The following APBA2 variants were observed in gnomAD, a reference collection of about 807,000 sequenced individuals.
APBA2 encodes the protein amyloid beta precursor protein binding family A member 2.
Under a neutral mutation model 75.0 loss-of-function variants are expected in APBA2, and 30 were observed. The ratio of observed to expected loss-of-function variants is 0.40; its 90% confidence interval spans 0.30 to 0.54. APBA2 has a LOEUF of 0.54. APBA2 is among the 20% of genes least tolerant of loss of function. The probability of loss-of-function intolerance (pLI) is 0.49; values close to 1 mark genes in which losing one functional copy is unlikely to be tolerated. For missense variants in APBA2, 801 were observed against 1,016.1 expected, an observed-to-expected ratio of 0.79 and a Z score of 2.88; for synonymous variants, 444 against 409.6, an observed-to-expected ratio of 1.08 and a Z score of -1.01.
At chr15:28,926,494 T>C (rs1472009864) in intron 2 of APBA2, among the ~76,000 whole-genome samples, 1 of 152,174 alleles carries the variant, frequency 6.6e-6, no homozygotes, top group Non-Finnish European at 1.5e-5. Flanking sequence ...ATTTCAATTA[T>C]CCATATGTCA....
At chr15:28,984,028 G>A (rs759634653) in intron 2 of APBA2, among the ~76,000 whole-genome samples, 6 of 152,146 alleles carry the variant, frequency 3.9e-5, no homozygotes, top group Non-Finnish European at 8.8e-5. Context: ...TCCAGAGGCC[G>A]TGCAGACACT....
intron 2 of APBA2, among the ~76,000 whole-genome samples, chr15:28,951,089 C>T (rs1388446326): frequency 6.6e-6 from 1 of 152,168 alleles, no homozygotes; most frequent in Non-Finnish European, 1.5e-5. Flanking sequence ...TAGATGGTTG[C>T]ATCTCTACTG....
intron 1 of APBA2, among the ~76,000 whole-genome samples, chr15:28,916,253 C>T (rs1158089114): frequency 1.3e-5 from 2 of 152,110 alleles, no homozygotes; most frequent in Middle Eastern, 3.2e-3. Flanking sequence ...CCAGCCTGTT[C>T]GCCACCTCTC....
chr15:29,114,060 G>A lies in APBA2; in HGVS notation c.2178+44G>A, dbSNP rs777810616. The A allele has an allele frequency of 2.9e-5, 47 of 1,613,036 alleles. No individual in the cohort carries two copies. In the South Asian group the frequency reaches 3.3e-4, roughly 11 times the overall value. ...TGTGCCTCTGCATGCCGGTTCCCAC[G>A]TGCTCCCGCCTGCCCTCCATGAGCC... is the stretch of plus-strand genomic sequence containing the variant. On this transcript the variant is annotated intron_variant, in intron 14 of 14. Coordinates refer to ENST00000683413, the MANE Select transcript of APBA2 (RefSeq NM_001353788.2).
intron 3 of APBA2, among the ~76,000 whole-genome samples, chr15:29,025,571 C>T (rs1048746782): frequency 6.6e-6 from 1 of 152,028 alleles, no homozygotes; most frequent in Non-Finnish European, 1.5e-5. Flanking sequence ...TGCGCCTGGC[C>T]AAGACTTGGG....
intron 4 of APBA2, among the ~76,000 whole-genome samples, chr15:29,055,164 A>G (rs1227840961): frequency 6.6e-6 from 1 of 152,146 alleles, no homozygotes; most frequent in Non-Finnish European, 1.5e-5. Context: ...GTGGGGCAGT[A>G]TGTGTGGGAG....
chr15:29,093,258 C>T (rs911529308), intron 7 of APBA2, 38 bp downstream of exon 7: 4 of 1,611,746 alleles, frequency 2.5e-6, no homozygotes, highest in African/African-American at 2.7e-5. Flanking sequence ...GATGCCCGCA[C>T]ACTTTGGGGG....
chr15:29,103,526 G>A (rs573870299), intron 10 of APBA2, among the ~76,000 whole-genome samples: 48 of 152,366 alleles, frequency 3.2e-4, no homozygotes, highest in African/African-American at 1.1e-3. Flanking sequence ...GGAGGCAGCC[G>A]GTACCCGGCG....
chr15:29,116,643 A>G (rs1207390159), intron 14 of APBA2, among the ~76,000 whole-genome samples: 10 of 149,954 alleles, frequency 6.7e-5, no homozygotes, highest in East Asian at 2.0e-4. Flanking sequence ...AAAAAAAAAA[A>G]GAAGGGGTGC....
intron 2 of APBA2, among the ~76,000 whole-genome samples, chr15:28,943,731 CGGCTCCTCCAGCCCT>C (rs201335449): frequency 0.023 from 3,529 of 152,014 alleles, 69 homozygotes; most frequent in African/African-American, 0.056. Flanking sequence ...TCGATGGCCC[CGGCTCCTCCAGCCCT>C]GGCTCCTCCA....
chr15:29,095,252 AC>A (rs1567003029), intron 8 of APBA2, among the ~76,000 whole-genome samples: 1 of 152,000 alleles, frequency 6.6e-6, no homozygotes, highest in Non-Finnish European at 1.5e-5. Flanking sequence ...ACATGGAGAA[AC>A]CCCGTCTCTA....
chr15:28,909,934 C>T (rs1157842023), intron 1 of APBA2, among the ~76,000 whole-genome samples: 2 of 152,110 alleles, frequency 1.3e-5, no homozygotes, highest in Admixed American at 1.3e-4. Context: ...GTAGCTGGTG[C>T]GATCCTCTGG....
At chr15:29,027,598 CTTTTTTTTCT>C (rs1057383724) in intron 3 of APBA2, among the ~76,000 whole-genome samples, 1 of 151,158 alleles carries the variant, frequency 6.6e-6, no homozygotes, top group Non-Finnish European at 1.5e-5. Context: ...AGTCTTTTAT[CTTTTTTTTCT>C]TTTTTTTTCT....
intron 8 of APBA2, among the ~76,000 whole-genome samples, chr15:29,094,744 G>A (rs113526936): frequency 0.013 from 1,923 of 152,306 alleles, 35 homozygotes; most frequent in African/African-American, 0.044. Flanking sequence ...CAGTTTGCCC[G>A]TGTGGTGCTT....
chr15:28,996,930 C>T (rs567850183), intron 3 of APBA2, among the ~76,000 whole-genome samples: 3 of 152,230 alleles, frequency 2.0e-5, no homozygotes, highest in Admixed American at 6.5e-5. Context: ...GGGGTGAGGA[C>T]GGGATTCTGG....
intron 1 of APBA2, among the ~76,000 whole-genome samples, chr15:28,897,182 G>GACACACACACAC (rs368122549): frequency 4.9e-4 from 73 of 148,150 alleles, no homozygotes; most frequent in African/African-American, 1.5e-3. Context: ...CAAAAGACAC[G>GACACACACACAC]ACACACACAC....
chr15:28,964,781 C>G (rs1466080742), intron 2 of APBA2, among the ~76,000 whole-genome samples: 2 of 152,030 alleles, frequency 1.3e-5, no homozygotes, highest in Non-Finnish European at 2.9e-5. Flanking sequence ...AGCCACCGCA[C>G]CTGGCCCACT....
chr15:29,056,826 C>T (rs1222985289), intron 4 of APBA2, among the ~76,000 whole-genome samples: 1 of 151,808 alleles, frequency 6.6e-6, no homozygotes, highest in Non-Finnish European at 1.5e-5. Context: ...TCTCCACATT[C>T]TTAGATTTGA....
intron 10 of APBA2, among the ~76,000 whole-genome samples, chr15:29,104,640 C>T (rs2044306247): frequency 1.3e-5 from 2 of 152,238 alleles, no homozygotes; most frequent in Admixed American, 1.3e-4. Context: ...GCCACACATC[C>T]CTAGAAGAGC....
Sources: allele counts gnomAD v4.1 joint callset (sites outside exome capture counted in the v4.1 genomes callset), GRCh38; gene constraint gnomAD v4.1.1; transcripts MANE v1.5; gene names NCBI Gene and HGNC (gene_info 2026-07-23, HGNC 2026-07-21).